The following LRBA variants were observed in gnomAD, a reference collection of about 807,000 sequenced individuals.
LRBA encodes lipopolysaccharide-responsive and beige-like anchor protein.
In LRBA, 176 loss-of-function variants were observed where a neutral mutation model predicts 330.0. The ratio of observed to expected loss-of-function variants is 0.53; its 90% CI spans 0.47 to 0.60. The LOEUF is 0.60. LRBA is among the 20% of genes least tolerant of loss of function. The probability of loss-of-function intolerance (pLI) is 0.00; values close to 1 mark genes in which losing one functional copy is unlikely to be tolerated. For missense variants in LRBA, 3,259 were observed against 3,444.8 expected (o/e 0.95, Z 1.35); for synonymous variants, 1,230 against 1,193.0 (o/e 1.03, Z -0.64).
intron 34 of LRBA, among the ~76,000 whole-genome samples, chr4:150,788,623 G>A (rs758099604): frequency 1.3e-5 from 2 of 151,980 alleles, no homozygotes; most frequent in Non-Finnish European, 2.9e-5. Context: ...AGCCGGGCAT[G>A]ATGGCAGGTG....
chr4:150,482,207 T>C (rs965631530), intron 42 of LRBA, among the ~76,000 whole-genome samples: 9 of 152,084 alleles, frequency 5.9e-5, no homozygotes, highest in Non-Finnish European at 2.9e-5. Context: ...TCTTTTCCCA[T>C]AGCTCCTAGC....
chr4:150,481,688 T>C (rs1012107080), intron 42 of LRBA, among the ~76,000 whole-genome samples: 32 of 152,104 alleles, frequency 2.1e-4, no homozygotes, highest in African/African-American at 7.5e-4. Flanking sequence ...GAGCCCGTAA[T>C]GTTTAATTTC....
intron 35 of LRBA, among the ~76,000 whole-genome samples, chr4:150,750,447 T>C (rs1268314687): frequency 6.6e-6 from 1 of 152,232 alleles, no homozygotes; most frequent in African/African-American, 2.4e-5. Flanking sequence ...TAAGGAATAT[T>C]CTGCAATTCT....
At position 150,291,886 on chromosome 4, in the gene LRBA, T is replaced by C. The variant is rs570915637; in HGVS notation, c.8018-5852A>G. Among the ~76,000 whole-genome samples, 119 of 152,296 alleles carry C rather than the reference T, an allele frequency of 7.8e-4. 1 individual carries two copies. Among genetic ancestry groups the C allele is most frequent in the Admixed American group, 2.4e-3 (37 of 15,300 alleles). On this transcript the variant is annotated intron_variant, in intron 53 of 56. Coordinates refer to ENST00000651943, the MANE Select transcript of LRBA (RefSeq NM_001364905.1). Reference sequence around the variant, plus strand: ...GGCAAATATACACCATGGAATACTATGCAGCCATAAAAAATGATGAGTTCA... The same window carrying C: ...GGCAAATATACACCATGGAATACTACGCAGCCATAAAAAATGATGAGTTCA...
At chr4:150,326,694 C>T (rs1195446292) in intron 48 of LRBA, among the ~76,000 whole-genome samples, 1 of 152,160 alleles carries the variant, frequency 6.6e-6, no homozygotes, top group Non-Finnish European at 1.5e-5. Context: ...CAGTAAAATA[C>T]AAAAGCCATG....
At chr4:150,316,728 C>A (rs1464637008) in intron 50 of LRBA, among the ~76,000 whole-genome samples, 1 of 152,146 alleles carries the variant, frequency 6.6e-6, no homozygotes, top group Non-Finnish European at 1.5e-5. Context: ...TGGCTCTTGA[C>A]ACTGTGGTGA....
chr4:150,569,246 GT>G (rs1159579469), intron 40 of LRBA, among the ~76,000 whole-genome samples: 1 of 152,078 alleles, frequency 6.6e-6, no homozygotes, highest in African/African-American at 2.4e-5. Context: ...GGACAAACAG[GT>G]AGTCGCAGAA....
intron 14 of LRBA, 138 bp downstream of exon 14, chr4:150,899,911 T>G: frequency 4.7e-5 from 26 of 556,720 alleles, no homozygotes; most frequent in Non-Finnish European, 7.1e-5. Flanking sequence ...ACATTATCAA[T>G]GAGATTAAAA....
At chr4:150,788,463 T>G (rs1436909036) in intron 34 of LRBA, among the ~76,000 whole-genome samples, 1 of 151,926 alleles carries the variant, frequency 6.6e-6, no homozygotes, top group African/African-American at 2.4e-5. Context: ...GGAAAGTAAT[T>G]TGCCAAGGTT....
At chr4:150,507,427 A>G (rs1761244545) in intron 40 of LRBA, among the ~76,000 whole-genome samples, 1 of 152,142 alleles carries the variant, frequency 6.6e-6, no homozygotes, top group Non-Finnish European at 1.5e-5. Context: ...AATGCCGCAT[A>G]TCTACAACTA....
chr4:150,667,792 A>G (rs534615125), intron 37 of LRBA, among the ~76,000 whole-genome samples: 2 of 152,268 alleles, frequency 1.3e-5, no homozygotes, highest in Non-Finnish European at 2.9e-5. Flanking sequence ...GCTGACTGGC[A>G]CCAGATCACA....
At chr4:150,676,393 C>T (rs1275722794) in intron 37 of LRBA, among the ~76,000 whole-genome samples, 2 of 152,044 alleles carry the variant, frequency 1.3e-5, no homozygotes, top group African/African-American at 4.8e-5. Flanking sequence ...TGAAGGCAAG[C>T]GATATATTTG....
At chr4:150,733,629 T>A (rs1177773168) in intron 36 of LRBA, among the ~76,000 whole-genome samples, 1 of 151,762 alleles carries the variant, frequency 6.6e-6, no homozygotes, top group African/African-American at 2.4e-5. Flanking sequence ...CTATCCAGCA[T>A]GGAATTAGTT....
chr4:150,435,086 T>C (rs1037416760), intron 46 of LRBA, among the ~76,000 whole-genome samples: 10 of 152,068 alleles, frequency 6.6e-5, no homozygotes, highest in Admixed American at 2.0e-4. Flanking sequence ...GGCTCACACC[T>C]GTAATATCAA....
chr4:150,489,199 G>GTATATATTATATATACGAA (rs1758387740), intron 41 of LRBA, among the ~76,000 whole-genome samples: 6 of 26,568 alleles, frequency 2.3e-4, no homozygotes, highest in South Asian at 4.5e-3. Context: ...TTATATATAA[G>GTATATATTATATATACGAA]TATATATTAT....
At chr4:150,313,682 C>T (rs1731349619) in intron 51 of LRBA, among the ~76,000 whole-genome samples, 1 of 151,702 alleles carries the variant, frequency 6.6e-6, no homozygotes, top group African/African-American at 2.4e-5. Context: ...TTAAGAACAG[C>T]TTGAGTTTCC....
At chr4:150,862,094 A>G (rs1227180791) in intron 22 of LRBA, among the ~76,000 whole-genome samples, 2 of 152,326 alleles carry the variant, frequency 1.3e-5, no homozygotes, top group East Asian at 3.9e-4. Context: ...ACTGTAAACT[A>G]GTTCAACCAT....
chr4:150,549,884 A>G (rs1766366664), intron 40 of LRBA, among the ~76,000 whole-genome samples: 1 of 152,238 alleles, frequency 6.6e-6, no homozygotes. Flanking sequence ...AATGAGTATC[A>G]GGGTTGAGTA....
chr4:150,490,636 C>T (rs1246155665), intron 41 of LRBA, among the ~76,000 whole-genome samples: 1 of 151,852 alleles, frequency 6.6e-6, no homozygotes, highest in Non-Finnish European at 1.5e-5. Context: ...GACATCAAAA[C>T]TCCTCTTCAA....
Sources: gnomAD v4.1 joint callset for allele counts (sites outside exome capture counted in the v4.1 genomes callset) on GRCh38, gnomAD v4.1.1 for gene constraint, MANE v1.5 for transcripts, NCBI Gene and HGNC (gene_info 2026-07-23, HGNC 2026-07-21) for gene names.